CAMK4: variants seen among roughly 807,000 people sequenced by gnomAD.
CAMK4 encodes calcium/calmodulin dependent protein kinase IV.
A neutral mutation model predicts 44.9 loss-of-function variants in CAMK4; 22 were observed. That is an observed-to-expected ratio of 0.49 (90% CI 0.35 to 0.70). The LOEUF is 0.70. Among genes scored for constraint, CAMK4 ranks in the 30% least tolerant of loss-of-function variants. CAMK4 has a pLI of 0.01. For synonymous variants in CAMK4, 218 were observed against 215.4 expected (o/e 1.01, Z -0.11); for missense variants, 498 against 586.8 (o/e 0.85, Z 1.56).
At chr5:111,422,589 C>T (rs1035079808) in intron 5 of CAMK4, among the ~76,000 whole-genome samples, 5 of 152,106 alleles carry the variant, frequency 3.3e-5, no homozygotes, top group African/African-American at 1.2e-4. Context: ...TGATAATTTT[C>T]CTAATTTGTC....
chr5:111,489,224 G>A lies in CAMK4; in HGVS notation c.*4758G>A, dbSNP rs1221290084. The A allele has an allele frequency of 6.6e-6, 1 of 152,022 alleles. No individual in the cohort carries two copies. The highest frequency in any genetic ancestry group is 1.5e-5 in the Non-Finnish European group (1 of 68,016). The allele number at this position is 152,022 out of a possible 1,614,324, so 9.4% of individuals were successfully genotyped here. A position where few individuals can be genotyped will look rare whatever the true frequency, so the allele number is the denominator to read the frequency against. On this transcript the variant is annotated 3_prime_UTR_variant, in exon 11 of 11. Transcript: ENST00000282356. ...CTTTTATTCCCCTGACACACTCAGG[G>A]TGAATTTTTGTCTCCTTGGCAAATA...
chr5:111,465,166 G>A (rs560939599), intron 7 of CAMK4, among the ~76,000 whole-genome samples: 1 of 151,954 alleles, frequency 6.6e-6, no homozygotes, highest in African/African-American at 2.4e-5. Context: ...ACTAATGATG[G>A]TGTTGCCTAA....
At chr5:111,463,320 T>C (rs1754703871) in intron 7 of CAMK4, among the ~76,000 whole-genome samples, 1 of 152,100 alleles carries the variant, frequency 6.6e-6, no homozygotes, top group South Asian at 2.1e-4. Flanking sequence ...GAATAGACAA[T>C]GCTCAAAAGA....
At chr5:111,418,107 T>C (rs1451559822) in intron 5 of CAMK4, among the ~76,000 whole-genome samples, 1 of 152,160 alleles carries the variant, frequency 6.6e-6, no homozygotes, top group African/African-American at 2.4e-5. Context: ...CTTTTCTGTT[T>C]TCCTTAAGCG....
intron 1 of CAMK4, among the ~76,000 whole-genome samples, chr5:111,326,462 T>C (rs919774389): frequency 6.6e-5 from 10 of 151,820 alleles, no homozygotes; most frequent in Admixed American, 5.3e-4. Flanking sequence ...AAAGTCTTCC[T>C]CAAAAGAAGA....
intron 4 of CAMK4, among the ~76,000 whole-genome samples, chr5:111,386,629 G>A (rs765967037): frequency 1.8e-4 from 28 of 152,228 alleles, no homozygotes; most frequent in Non-Finnish European, 3.7e-4. Flanking sequence ...CAGCTCCATA[G>A]AGAGAAATAG....
chr5:111,459,684 GTCTTTTT>G (rs1561500966), intron 7 of CAMK4, among the ~76,000 whole-genome samples: 3 of 120,554 alleles, frequency 2.5e-5, no homozygotes, highest in South Asian at 2.7e-4. Context: ...TTTAGAGACA[GTCTTTTT>G]TTTTTTTTTT....
chr5:111,468,219 G>T (rs1178668503), intron 7 of CAMK4, among the ~76,000 whole-genome samples: 2 of 152,134 alleles, frequency 1.3e-5, no homozygotes, highest in Non-Finnish European at 2.9e-5. Context: ...ATTGGGTACA[G>T]TGTACAATGC....
At chr5:111,441,743 A>G (rs895048559) in intron 5 of CAMK4, among the ~76,000 whole-genome samples, 35 of 152,298 alleles carry the variant, frequency 2.3e-4, no homozygotes, top group African/African-American at 8.4e-4. Context: ...TTTCTAGTGC[A>G]TTTATCTATT....
At chr5:111,378,239 C>G (rs1000710269) in intron 4 of CAMK4, among the ~76,000 whole-genome samples, 4 of 152,014 alleles carry the variant, frequency 2.6e-5, no homozygotes, top group African/African-American at 9.7e-5. Context: ...GGGCCCTCAC[C>G]AGACACAAAA....
At chr5:111,426,742 G>A (rs1359359009) in intron 5 of CAMK4, among the ~76,000 whole-genome samples, 1 of 152,196 alleles carries the variant, frequency 6.6e-6, no homozygotes. Context: ...GTGCTGTCCT[G>A]TTAGAGCAGA....
chr5:111,287,827 G>C (rs1413634689), intron 1 of CAMK4, among the ~76,000 whole-genome samples: 1 of 152,104 alleles, frequency 6.6e-6, no homozygotes, highest in Non-Finnish European at 1.5e-5. Flanking sequence ...ATAGAAAAAT[G>C]TATAAAATAT....
chr5:111,289,232 G>T (rs1434597493), intron 1 of CAMK4, among the ~76,000 whole-genome samples: 4 of 152,202 alleles, frequency 2.6e-5, no homozygotes, highest in East Asian at 3.8e-4. Flanking sequence ...TGTAATCCCA[G>T]CTATTCGGGA....
chr5:111,270,104 C>G (rs1750440872), intron 1 of CAMK4: 1 of 152,332 alleles, frequency 6.6e-6, no homozygotes, highest in Non-Finnish European at 1.5e-5. Flanking sequence ...AAAGAGCTTT[C>G]TCTCTCCGCT....
In CAMK4 at chr5:111,489,079, ATG is replaced by A. The variant is rs1755727003; in HGVS notation, c.*4619_*4620del. The A allele has an allele frequency of 6.6e-6, 1 of 152,198 alleles. No homozygotes were observed. Among genetic ancestry groups the A allele is most frequent in the African/African-American group, 2.4e-5 (1 of 41,458 alleles). The allele number at this position is 152,198 out of a possible 1,614,324, so 9.4% of individuals were successfully genotyped here. A position where few individuals can be genotyped will look rare whatever the true frequency, so the allele number is the denominator to read the frequency against. The stretch of plus-strand genomic sequence containing the variant: ...GAACATTGTTTAATGGTTAGATGTT[ATG>A]TGTGTCTGCATTTAAAAAAATTGTG... On this transcript the variant is annotated 3_prime_UTR_variant, in exon 11 of 11. Coordinates refer to ENST00000282356, the MANE Select transcript of CAMK4 (RefSeq NM_001744.6).
At chr5:111,295,832 C>A (rs897069075) in intron 1 of CAMK4, among the ~76,000 whole-genome samples, 1 of 152,072 alleles carries the variant, frequency 6.6e-6, no homozygotes, top group Non-Finnish European at 1.5e-5. Context: ...ATATGCTTTT[C>A]GGTTTTGGTC....
At chr5:111,325,612 C>T (rs918724490) in intron 1 of CAMK4, among the ~76,000 whole-genome samples, 1 of 152,264 alleles carries the variant, frequency 6.6e-6, no homozygotes, top group Non-Finnish European at 1.5e-5. Context: ...TTTTGATGTG[C>T]ATTTCTGTAA....
intron 1 of CAMK4, among the ~76,000 whole-genome samples, chr5:111,292,829 G>T (rs1208023580): frequency 6.6e-6 from 1 of 152,092 alleles, no homozygotes; most frequent in Non-Finnish European, 1.5e-5. Context: ...TACTTGGGAG[G>T]CTGGGATAGG....
At chr5:111,429,777 C>CAAAAAAAAAAA (rs70973607) in intron 5 of CAMK4, among the ~76,000 whole-genome samples, 18 of 26,350 alleles carry the variant, frequency 6.8e-4, no homozygotes, top group Admixed American at 7.7e-4. Context: ...GACCTCATCT[C>CAAAAAAAAAAA]AAAAAAAAAA....
Sources: allele counts gnomAD v4.1 joint callset (sites outside exome capture counted in the v4.1 genomes callset), GRCh38; gene constraint gnomAD v4.1.1; transcripts MANE v1.5; gene names NCBI Gene and HGNC (gene_info 2026-07-23, HGNC 2026-07-21).